Variants in LNX2 observed in about 807,000 individuals in gnomAD.
LNX2 encodes ligand of numb-protein X 2.
A neutral mutation model predicts 66.2 loss-of-function variants in LNX2; 35 were observed. That is an observed-to-expected ratio of 0.53 (90% confidence interval 0.40 to 0.70). The LOEUF is 0.70. LNX2 is among the 30% of genes least tolerant of loss of function. The probability of loss-of-function intolerance (pLI) is 0.00; values close to 1 mark genes in which losing one functional copy is unlikely to be tolerated. For missense variants in LNX2, 791 were observed against 850.8 expected, an observed-to-expected ratio of 0.93 and a Z score of 0.87; for synonymous variants, 337 against 315.6, an observed-to-expected ratio of 1.07 and a Z score of -0.72.
rs759634744 is a variant in LNX2, at chr13:27,562,764, G to A, written c.873C>T (p.Ile291=). The A allele has an allele frequency of 1.9e-6, 3 of 1,606,278 alleles. No individual in the cohort carries two copies. The highest frequency in any genetic ancestry group is 2.6e-6 in the Non-Finnish European group (3 of 1,174,970). ...GGGCATAGTTATGGGACACATTGCT[G>A]ATATTGTAGTTGTTGACCTAGAAAA... is the stretch of plus-strand genomic sequence containing the variant. ...DQILQVNNYN[I]SNVSHNYARA... is the part of the protein sequence containing the mutation. Residue 291 remains isoleucine, a synonymous_variant, in exon 5 of 10, where the codon ATC becomes ATT. Transcript: ENST00000316334.
At chr13:27,574,687 A>C (rs891229183) in intron 2 of LNX2, among the ~76,000 whole-genome samples, 2 of 152,226 alleles carry the variant, frequency 1.3e-5, no homozygotes, top group Non-Finnish European at 2.9e-5. Context: ...TTGATGAAAA[A>C]CATTTATCTA....
chr13:27,547,853 C>CA lies in LNX2; in HGVS notation c.*481dup, dbSNP rs1035095745. 6.1e-4 allele frequency: 92 copies of CA among 152,062 alleles called. No homozygotes were observed. Among genetic ancestry groups the CA allele is most frequent in the African/African-American group, 1.7e-3 (71 of 40,776 alleles). 9.4% of individuals were successfully genotyped at this position (152,062 alleles called of 1,614,324 possible). A position where few individuals can be genotyped will look rare whatever the true frequency, so the allele number is the denominator to read the frequency against. On this transcript the variant is annotated 3_prime_UTR_variant, in exon 10 of 10. Transcript: ENST00000316334. Reference sequence around the variant, plus strand: ...CCTGGGTGAGAGTGAGACTGTGGTTCAAAAAAAAATGGGGAACAGTTATCA... The same window carrying CA: ...CCTGGGTGAGAGTGAGACTGTGGTTCAAAAAAAAAATGGGGAACAGTTATCA...
chr13:27,550,270 CT>C (rs1455871541), intron 9 of LNX2, 62 bp downstream of exon 9: 9 of 1,467,344 alleles, frequency 6.1e-6, no homozygotes, highest in Non-Finnish European at 8.4e-6. Context: ...CCCCTGACCC[CT>C]GGTCTAGATC....
intron 1 of LNX2, among the ~76,000 whole-genome samples, chr13:27,608,783 C>G (rs1467684347): frequency 1.9e-5 from 2 of 103,476 alleles, no homozygotes; most frequent in Non-Finnish European, 4.3e-5. Context: ...ACTTAGAGAG[C>G]AATTTCTTTG....
At chr13:27,585,820 G>A (rs1955478856) in intron 1 of LNX2, among the ~76,000 whole-genome samples, 2 of 151,754 alleles carry the variant, frequency 1.3e-5, no homozygotes, top group African/African-American at 4.8e-5. Context: ...CCTCCCACAT[G>A]ATGACTAAGA....
At chr13:27,585,525 C>G (rs1033239772) in intron 1 of LNX2, among the ~76,000 whole-genome samples, 1 of 151,970 alleles carries the variant, frequency 6.6e-6, no homozygotes, top group Non-Finnish European at 1.5e-5. Flanking sequence ...ATCAAGAAAG[C>G]AAACATTTCT....
At chr13:27,561,810 T>C (rs1000763588) in intron 5 of LNX2, among the ~76,000 whole-genome samples, 5 of 152,238 alleles carry the variant, frequency 3.3e-5, no homozygotes, top group African/African-American at 4.8e-5. Flanking sequence ...GCAGAATGTA[T>C]AGATCTCCTC....
chr13:27,568,291 A>C (rs1161040398), intron 3 of LNX2, among the ~76,000 whole-genome samples: 6 of 152,226 alleles, frequency 3.9e-5, no homozygotes, highest in Non-Finnish European at 1.5e-5. Flanking sequence ...GTAGGAAATG[A>C]AGAAGGCGCA....
rs1234182771 is a variant in LNX2 at position 27,583,232 on chromosome 13, G to GCGCGCGCGTCCTCTCCTATATAAC, written c.-100-1430_-100-1429insGTTATATAGGAGAGGACGCGCGCG. On this transcript the variant is annotated intron_variant, in intron 1 of 9. Coordinates refer to ENST00000316334, the MANE Select transcript of LNX2 (RefSeq NM_153371.4). ...TGTGTGTGTGTGTGTGTGTGTGTGT[G>GCGCGCGCGTCCTCTCCTATATAAC]TGTGTGTGTGTGTGTGTGTGTGTGC... is the stretch of plus-strand genomic sequence containing the variant. Among the ~76,000 whole-genome samples, 223 of 23,174 alleles carry GCGCGCGCGTCCTCTCCTATATAAC rather than the reference G, an allele frequency of 9.6e-3. 37 individuals carry two copies. The highest frequency in any genetic ancestry group is 0.014 in the Non-Finnish European group (175 of 12,738). The allele number at this position is 23,174 out of a possible 152,430, so 15.2% of individuals were successfully genotyped here.
At chr13:27,550,591 G>A in intron 8 of LNX2, 100 bp from the exon 9 acceptor site, 7 of 822,944 alleles carry the variant, frequency 8.5e-6, no homozygotes, top group South Asian at 2.0e-5. Context: ...TACCACTCTT[G>A]GAAAAAAGAA....
At chr13:27,601,850 T>C (rs535188588) in intron 1 of LNX2, among the ~76,000 whole-genome samples, 46 of 152,264 alleles carry the variant, frequency 3.0e-4, no homozygotes, top group African/African-American at 1.1e-3. Context: ...CCATTGCACC[T>C]GACCTTCCCA....
Position 27,548,330 on chromosome 13 carries a change from A to G in LNX2, c.*5T>C. 6.3e-7 allele frequency: 1 copy of G among 1,592,626 alleles called. No individual in the cohort carries two copies. The highest frequency in any genetic ancestry group is 2.2e-5 in the East Asian group (1 of 44,764). On this transcript the variant is annotated 3_prime_UTR_variant, in exon 10 of 10. Coordinates refer to ENST00000316334, the MANE Select transcript of LNX2 (RefSeq NM_153371.4). ...GATGCAAGATTTGAAACCAATTTCC[A>G]AAATCTATACAAGGCTGCCAGGCCA... is the stretch of plus-strand genomic sequence containing the variant.
intron 1 of LNX2, among the ~76,000 whole-genome samples, chr13:27,597,541 G>C (rs1364931785): frequency 6.6e-6 from 1 of 152,138 alleles, no homozygotes; most frequent in Non-Finnish European, 1.5e-5. Flanking sequence ...CTGAGGGCTG[G>C]ACTAGGTACA....
intron 1 of LNX2, among the ~76,000 whole-genome samples, chr13:27,618,394 A>T (rs1287995297): frequency 6.6e-6 from 1 of 152,184 alleles, no homozygotes. Context: ...ACAGAGCCTG[A>T]TTCCACCCCA....
chr13:27,618,937 A>G (rs569273994), intron 1 of LNX2, among the ~76,000 whole-genome samples: 31 of 152,366 alleles, frequency 2.0e-4, no homozygotes, highest in African/African-American at 7.5e-4. Flanking sequence ...CCCTAAGTTC[A>G]AATTACTTCA....
In LNX2 at chr13:27,588,021, C is replaced by CAAAAAA. The variant is rs56812051; in HGVS notation, c.-100-6224_-100-6219dup. On this transcript the variant is annotated intron_variant, in intron 1 of 9. Transcript: ENST00000316334. ...GGGCAAGAGTGCGAGACTCTTGTCA[C>CAAAAAA]AAAAAAAAAAAAAAAAAAAAAAAAA... is the stretch of plus-strand genomic sequence containing the variant. 1.1e-4 allele frequency among the ~76,000 whole-genome samples: 10 copies of CAAAAAA among 93,530 alleles called. 1 individual carries two copies. The highest frequency in any genetic ancestry group is 1.5e-4 in the African/African-American group (4 of 26,272). The allele number at this position is 93,530 out of a possible 152,430, so 61.4% of individuals were successfully genotyped here. A position where few individuals can be genotyped will look rare whatever the true frequency, so the allele number is the denominator to read the frequency against.
intron 1 of LNX2, among the ~76,000 whole-genome samples, chr13:27,605,823 T>C (rs1369111064): frequency 6.6e-6 from 1 of 152,224 alleles, no homozygotes; most frequent in Non-Finnish European, 1.5e-5. Flanking sequence ...TGTCCACTTA[T>C]ATTTCACCAC....
chr13:27,583,255 TGC>T (rs1227667311), intron 1 of LNX2, among the ~76,000 whole-genome samples: 1 of 58,526 alleles, frequency 1.7e-5, no homozygotes, highest in Non-Finnish European at 3.2e-5. Flanking sequence ...TGTGTGTGTG[TGC>T]GCGCGTCCTC....
chr13:27,553,822 C>A (rs1175897147), intron 7 of LNX2, among the ~76,000 whole-genome samples: 1 of 152,062 alleles, frequency 6.6e-6, no homozygotes, highest in African/African-American at 2.4e-5. Context: ...ATCCTTTGCC[C>A]TTAGAAATAA....
Sources: gnomAD v4.1 joint callset for allele counts (sites outside exome capture counted in the v4.1 genomes callset) on GRCh38, gnomAD v4.1.1 for gene constraint, MANE v1.5 for transcripts, NCBI Gene and HGNC (gene_info 2026-07-23, HGNC 2026-07-21) for gene names.